The following PRAG1 variants were observed in gnomAD, a reference collection of about 807,000 sequenced individuals.
PRAG1 encodes the protein inactive tyrosine-protein kinase PRAG1.
In PRAG1, 110 loss-of-function variants were observed where a neutral mutation model predicts 95.6. The ratio of observed to expected loss-of-function variants is 1.15; its 90% confidence interval spans 0.99 to 1.35. PRAG1 has a LOEUF of 1.35. PRAG1 is among the 40% of genes most tolerant of loss of function. The pLI, the probability that PRAG1 is intolerant of heterozygous loss-of-function variation, is 0.00. For synonymous variants in PRAG1, 1,052 were observed against 819.4 expected, an observed-to-expected ratio of 1.28 and a Z score of -4.85; for missense variants, 2,554 against 1,864.7, an observed-to-expected ratio of 1.37 and a Z score of -6.81.
intron 4 of PRAG1, among the ~76,000 whole-genome samples, chr8:8,330,550 C>T (rs962530476): frequency 6.6e-6 from 1 of 152,164 alleles, no homozygotes; most frequent in Non-Finnish European, 1.5e-5. Flanking sequence ...ATACCCCTTC[C>T]AGGAGGGCTC....
chr8:8,383,297 G>A (rs746911087), intron 1 of PRAG1, among the ~76,000 whole-genome samples: 11 of 152,206 alleles, frequency 7.2e-5, no homozygotes, highest in Non-Finnish European at 1.5e-4. Context: ...GAGGCCAGGC[G>A]CGGTGGCTCA....
At chr8:8,331,989 G>A (rs976991560) in intron 4 of PRAG1, among the ~76,000 whole-genome samples, 8 of 152,016 alleles carry the variant, frequency 5.3e-5, no homozygotes, top group East Asian at 1.9e-4. Context: ...AGTACTCGCC[G>A]CATTATACAC....
intron 3 of PRAG1, among the ~76,000 whole-genome samples, chr8:8,357,622 C>T (rs1268497571): frequency 2.6e-5 from 4 of 152,142 alleles, no homozygotes; most frequent in Non-Finnish European, 4.4e-5. Flanking sequence ...CTATGGAAAA[C>T]AGTAAGGCAG....
chr8:8,374,622 G>C (rs1800318633), intron 3 of PRAG1: 2 of 976,268 alleles, frequency 2.0e-6, no homozygotes, highest in Admixed American at 6.2e-5. Flanking sequence ...CTGGCCCATA[G>C]TGAGTGCCAT....
rs539354300 is a variant in PRAG1 at position 8,354,717 on chromosome 8, A to G, written c.2163-15082T>C. Among the ~76,000 whole-genome samples the G allele has an allele frequency of 3.9e-5, 6 of 152,304 alleles. No homozygotes were observed. The South Asian group carries it at 1.0e-3, about 26-fold the overall frequency. The stretch of plus-strand genomic sequence containing the variant: ...ACATAGAAAAAGCATTTGACAAGGT[A>G]CAGCATCCTTTCTTGATAAAAACTC... On this transcript the variant is annotated intron_variant, in intron 3 of 5. Coordinates refer to ENST00000615670, the MANE Select transcript of PRAG1 (RefSeq NM_001080826.3).
chr8:8,362,967 C>G (rs897399428), intron 3 of PRAG1, among the ~76,000 whole-genome samples: 5 of 151,928 alleles, frequency 3.3e-5, no homozygotes, highest in Non-Finnish European at 5.9e-5. Flanking sequence ...GAGACATAAG[C>G]TGTGAGCTGG....
intron 3 of PRAG1, among the ~76,000 whole-genome samples, chr8:8,344,991 G>A (rs1158579803): frequency 6.6e-6 from 1 of 151,600 alleles, no homozygotes; most frequent in African/African-American, 2.4e-5. Context: ...CTCTCATCAA[G>A]TGAATGCAGA....
rs777755746 is a variant in PRAG1, at chr8:8,376,341, C to G, written c.2068G>C (p.Gly690Arg). Residue 690 changes from glycine (G) to arginine (R), a missense_variant, in exon 3 of 6, where the codon GGG becomes CGG. Coordinates refer to ENST00000615670, the MANE Select transcript of PRAG1 (RefSeq NM_001080826.3). ...SSGQNSKVGT[G>R]MSKSASFAFE... ...GCAAAAGAGGCGGATTTGCTCATCC[C>G]GGTCCCAACTTTGCTGTTCTGCCCA... The G allele has an allele frequency of 6.2e-7, 1 of 1,614,194 alleles. No homozygotes were observed.
At chr8:8,333,384 G>A (rs1798883423) in intron 4 of PRAG1, among the ~76,000 whole-genome samples, 1 of 152,190 alleles carries the variant, frequency 6.6e-6, no homozygotes, top group Admixed American at 6.5e-5. Flanking sequence ...GGAAGAGAAA[G>A]CATTTCTAGT....
rs779578537 is a variant in PRAG1 at position 8,377,011 on chromosome 8, T to A, written c.1398A>T (p.Pro466=). 6 of 1,613,824 alleles carry A rather than the reference T, an allele frequency of 3.7e-6. No individual in the cohort carries two copies. In the East Asian group the frequency reaches 1.1e-4, roughly 30 times the overall value. The change falls in exon 3 of 6, where the codon CCA becomes CCT. Residue 466 remains proline (P), a synonymous_variant. Transcript: ENST00000615670. The part of the protein sequence containing the change: ...ASGWGRDSPD[P]TPQVSATITV... ...TGATGGTGGCTGACACCTGGGGAGT[T>A]GGGTCTGGGCTGTCCCGGCCCCAGC...
chr8:8,331,929 A>T (rs865777027), intron 4 of PRAG1, among the ~76,000 whole-genome samples: 4 of 152,180 alleles, frequency 2.6e-5, no homozygotes, highest in Admixed American at 2.6e-4. Context: ...ACATGCACTG[A>T]TTAATTTTTC....
chr8:8,379,397 C>T (rs1183239956), intron 2 of PRAG1, among the ~76,000 whole-genome samples: 1 of 152,186 alleles, frequency 6.6e-6, no homozygotes, highest in African/African-American at 2.4e-5. Flanking sequence ...CAAAGCAGGG[C>T]CTGCCTCTGG....
chr8:8,353,054 A>G (rs1799574926), intron 3 of PRAG1, among the ~76,000 whole-genome samples: 1 of 152,240 alleles, frequency 6.6e-6, no homozygotes, highest in Non-Finnish European at 1.5e-5. Flanking sequence ...ACATTAAAGT[A>G]TCTAAATATA....
chr8:8,339,615 T>C lies in PRAG1; in HGVS notation c.2183A>G (p.Lys728Arg), dbSNP rs1184898751. 6.2e-7 allele frequency: 1 copy of C among 1,611,944 alleles called. No homozygotes were observed. The highest frequency in any genetic ancestry group is 2.2e-5 in the East Asian group (1 of 44,784). ...CACTTTTTCCAAATCAGAGCTGCTC[T>C]TGTTCATTTTTAGAAGGTGCCTGGA... ...PKSRHLLKMN[K>R]SSSDLEKVSQ... The change falls in exon 4 of 6, where the codon AAG (lysine) becomes AGG (arginine). Residue 728 changes from lysine to arginine, a missense_variant. Physicochemically the swap from Lys to Arg is conservative, Grantham distance 26. Coordinates refer to ENST00000615670, the MANE Select transcript of PRAG1 (RefSeq NM_001080826.3).
chr8:8,329,007 C>A (rs182336350), intron 4 of PRAG1, among the ~76,000 whole-genome samples: 2 of 152,298 alleles, frequency 1.3e-5, no homozygotes, highest in East Asian at 1.9e-4. Context: ...GCAAACAATG[C>A]TGCAACAGCA....
rs1373792026 is a variant in PRAG1 at position 8,377,356 on chromosome 8, G to A, written c.1053C>T (p.Ser351=). The change falls in exon 3 of 6, where the codon AGC becomes AGT. Residue 351 remains serine, a synonymous_variant. Coordinates refer to ENST00000615670, the MANE Select transcript of PRAG1 (RefSeq NM_001080826.3). ...LSCGSGSGSG[S]GASSPFVPHL... is the part of the protein sequence containing the mutation. ...GGGGGACGAAGGGGCTACTGGCGCC[G>A]CTGCCGCTGCCGCTGCCGCTGCCAC... 26 of 466,402 alleles carry A rather than the reference G, an allele frequency of 5.6e-5. No homozygotes were observed. Among genetic ancestry groups the A allele is most frequent in the South Asian group, 1.0e-4 (5 of 50,146 alleles). The allele number at this position is 466,402 out of a possible 1,614,324, so 28.9% of individuals were successfully genotyped here.
chr8:8,322,899 A>C (rs905466258), intron 5 of PRAG1, among the ~76,000 whole-genome samples: 2 of 152,204 alleles, frequency 1.3e-5, no homozygotes, highest in Non-Finnish European at 2.9e-5. Flanking sequence ...AAAATGTACA[A>C]AACCAAGTTG....
In PRAG1 at chr8:8,330,314, C is replaced by T. The variant is rs138214279; in HGVS notation, c.2321-1853G>A. Among the ~76,000 whole-genome samples, 349 of 152,220 alleles carry T rather than the reference C, an allele frequency of 2.3e-3. 3 individuals carry two copies. Among genetic ancestry groups the T allele is most frequent in the African/African-American group, 7.8e-3 (322 of 41,514 alleles). On this transcript the variant is annotated intron_variant, in intron 4 of 5. Transcript: ENST00000615670. The stretch of plus-strand genomic sequence containing the variant: ...CTAGGAGTCAGAAATTGCAGTGAGC[C>T]GAGACTGTGCCACCGCACTCCCACC...
At chr8:8,341,802 G>C (rs1179493884) in intron 3 of PRAG1, among the ~76,000 whole-genome samples, 1 of 152,084 alleles carries the variant, frequency 6.6e-6, no homozygotes, top group Admixed American at 6.6e-5. Context: ...TTCTTGTCCT[G>C]TCCTTGTCCA....
Sources: gnomAD v4.1 joint callset for allele counts (sites outside exome capture counted in the v4.1 genomes callset) on GRCh38, gnomAD v4.1.1 for gene constraint, MANE v1.5 for transcripts, NCBI Gene and HGNC (gene_info 2026-07-23, HGNC 2026-07-21) for gene names.